Variants in POM121C observed in about 807,000 individuals in gnomAD.
POM121C encodes the protein nuclear envelope pore membrane protein POM 121C.
A neutral mutation model predicts 66.4 loss-of-function variants in POM121C; 20 were observed. That is an observed-to-expected ratio of 0.30 (90% CI 0.21 to 0.44). The LOEUF (loss-of-function observed/expected upper bound fraction) is 0.44. Among genes scored for constraint, POM121C ranks in the 20% least tolerant of loss-of-function variants. The pLI, the probability that POM121C is intolerant of heterozygous loss-of-function variation, is 1.00. For synonymous variants in POM121C, 286 were observed against 528.0 expected, an observed-to-expected ratio of 0.54 and a Z score of 6.28; for missense variants, 580 against 1,225.7, an observed-to-expected ratio of 0.47 and a Z score of 7.87.
At chr7:75,456,195 C>T (rs1376375271) in intron 3 of POM121C, among the ~76,000 whole-genome samples, 1 of 152,206 alleles carries the variant, frequency 6.6e-6, no homozygotes, top group Non-Finnish European at 1.5e-5. Context: ...GGTATGATCG[C>T]TCCACTGCAC....
chr7:75,453,835 T>C (rs1584689267), intron 3 of POM121C, among the ~76,000 whole-genome samples: 1 of 151,918 alleles, frequency 6.6e-6, no homozygotes, highest in Non-Finnish European at 1.5e-5. Context: ...GGCATCTTCA[T>C]TCACAAAACC....
intron 3 of POM121C, among the ~76,000 whole-genome samples, chr7:75,447,657 T>C (rs1189388870): frequency 6.6e-6 from 1 of 151,982 alleles, no homozygotes; most frequent in Non-Finnish European, 1.5e-5. Flanking sequence ...GAGGCTGAGC[T>C]GGGCAGATTG....
At chr7:75,441,794 T>G in intron 3 of POM121C, 147 bp from the exon 4 acceptor site, 1 of 734,894 alleles carries the variant, frequency 1.4e-6, no homozygotes, top group Non-Finnish European at 2.2e-6. Flanking sequence ...TTATGGCAAC[T>G]TTCCCCTATT....
At chr7:75,442,253 C>A (rs1554474151) in intron 3 of POM121C, 3 of 728,936 alleles carry the variant, frequency 4.1e-6, no homozygotes, top group East Asian at 6.0e-5. Flanking sequence ...CGGCGCCGGG[C>A]GGGCGGGTGG....
At chr7:75,464,941 AAGAG>A (rs1365706329) in intron 3 of POM121C, among the ~76,000 whole-genome samples, 1 of 149,130 alleles carries the variant, frequency 6.7e-6, no homozygotes, top group Non-Finnish European at 1.5e-5. Flanking sequence ...GAGCAGATGG[AAGAG>A]AGAGTCATTG....
intron 4 of POM121C, 27 bp from the exon 5 acceptor site, chr7:75,441,142 G>C (rs781877831): frequency 5.0e-6 from 8 of 1,608,434 alleles, no homozygotes; most frequent in Non-Finnish European, 5.9e-6. Context: ...GATTCTAGCC[G>C]TAAGATATTT....
Position 75,460,785 on chromosome 7 carries a change from C to T in POM121C, c.-152+13919G>A, listed in dbSNP as rs587773046. ...AGCTGGCTGATGCCAGGGCGAGCAG[C>T]GGAACTCTGTCCTCCAAAACCATGG... On this transcript the variant is annotated intron_variant, in intron 3 of 14. Transcript: ENST00000615331. Among the ~76,000 whole-genome samples the T allele has an allele frequency of 1.0e-3, 152 of 152,256 alleles. 1 individual carries two copies. Among genetic ancestry groups the T allele is most frequent in the African/African-American group, 3.4e-3 (142 of 41,502 alleles).
chr7:75,479,858 AAC>A (rs1344975993), intron 1 of POM121C, among the ~76,000 whole-genome samples: 2 of 152,192 alleles, frequency 1.3e-5, no homozygotes, highest in African/African-American at 2.4e-5. Context: ...TCACTAAAAT[AAC>A]AAAACAGTGT....
chr7:75,436,154 A>G (rs782676104), intron 7 of POM121C, among the ~76,000 whole-genome samples: 11 of 152,358 alleles, frequency 7.2e-5, no homozygotes, highest in Non-Finnish European at 1.3e-4. Context: ...TACATAAAAA[A>G]TCCTGCCACC....
intron 5 of POM121C, chr7:75,440,527 C>T (rs1478662429): frequency 5.2e-6 from 1 of 192,364 alleles, no homozygotes; most frequent in Non-Finnish European, 1.1e-5. Context: ...GAGATCGGGC[C>T]ACTGCACTCC....
At chr7:75,432,653 G>A (rs768518020) in intron 7 of POM121C, among the ~76,000 whole-genome samples, 4 of 152,114 alleles carry the variant, frequency 2.6e-5, no homozygotes, top group Non-Finnish European at 5.9e-5. Flanking sequence ...AGTAAAAAAG[G>A]CCATCTAAAG....
intron 3 of POM121C, among the ~76,000 whole-genome samples, chr7:75,446,970 T>TGCACTCCA (rs1403488554): frequency 9.0e-6 from 1 of 110,700 alleles, no homozygotes; most frequent in Non-Finnish European, 1.6e-5. Context: ...ATGGCGCCAC[T>TGCACTCCA]GCACTCCAGC....
intron 3 of POM121C, among the ~76,000 whole-genome samples, chr7:75,453,073 AACTC>A (rs1554475868): frequency 3.3e-5 from 5 of 152,094 alleles, no homozygotes; most frequent in African/African-American, 7.2e-5. Flanking sequence ...TCTACTCACA[AACTC>A]ACTATTGACG....
At chr7:75,440,450 C>T (rs1554473764) in intron 5 of POM121C, among the ~76,000 whole-genome samples, 1 of 151,190 alleles carries the variant, frequency 6.6e-6, no homozygotes, top group Non-Finnish European at 1.5e-5. Context: ...CGCCTGTAGT[C>T]CCAGCTACTC....
At chr7:75,478,999 GA>G (rs1190636574) in intron 1 of POM121C, among the ~76,000 whole-genome samples, 1 of 147,388 alleles carries the variant, frequency 6.8e-6, no homozygotes, top group Non-Finnish European at 1.5e-5. Context: ...AAGGGGGGAA[GA>G]AAAAAAGACA....
chr7:75,436,731 G>A (rs1228533920), intron 7 of POM121C, among the ~76,000 whole-genome samples: 7 of 152,098 alleles, frequency 4.6e-5, no homozygotes, highest in Admixed American at 4.6e-4. Flanking sequence ...AAGAAAAAGA[G>A]ATGTTATGTG....
At chr7:75,440,742 G>A in intron 5 of POM121C, 1 of 687,482 alleles carries the variant, frequency 1.5e-6, no homozygotes, top group Non-Finnish European at 2.4e-6. Context: ...GCTACTCACA[G>A]AAAAGGTAAA....
At position 75,442,135 on chromosome 7, in the gene POM121C, C is replaced by T. The variant is rs1481547694; in HGVS notation, c.-151-488G>A. 1.1e-5 allele frequency: 15 copies of T among 1,362,856 alleles called. No individual in the cohort carries two copies. The African/African-American group carries it at 2.0e-4, about 18-fold the overall frequency. 84.4% of individuals were successfully genotyped at this position (1,362,856 alleles called of 1,614,324 possible). On this transcript the variant is annotated intron_variant, in intron 3 of 14. Coordinates refer to ENST00000615331, the MANE Select transcript of POM121C (RefSeq NM_001099415.3). Reference sequence around the variant, plus strand: ...CCAGAGGATGATCTGGGAAAATCAGCGCATCTCACCGTGGGGAAGGCCTCC... The same window carrying T: ...CCAGAGGATGATCTGGGAAAATCAGTGCATCTCACCGTGGGGAAGGCCTCC...
chr7:75,420,652 C>T (rs587640037), intron 13 of POM121C: 7 of 152,356 alleles, frequency 4.6e-5, no homozygotes, highest in African/African-American at 1.4e-4. Flanking sequence ...CCCAGATTTT[C>T]TCTCCTACTT....
Sources: gnomAD v4.1 joint callset for allele counts (sites outside exome capture counted in the v4.1 genomes callset) on GRCh38, gnomAD v4.1.1 for gene constraint, MANE v1.5 for transcripts, NCBI Gene and HGNC (gene_info 2026-07-23, HGNC 2026-07-21) for gene names.